DMD: variants seen among roughly 807,000 people sequenced by gnomAD.
The protein encoded by DMD is dystrophin, also known as mutant dystrophin.
In DMD, 63 loss-of-function variants were observed where a neutral mutation model predicts 330.1. The ratio of observed to expected loss-of-function variants is 0.19; its 90% CI spans 0.16 to 0.24. The LOEUF (loss-of-function observed/expected upper bound fraction) is 0.24, where lower values mean the gene tolerates loss of function less well. Ranked by LOEUF, DMD falls within the 10% of genes least tolerant of loss-of-function variation. The pLI is 1.00. For missense variants in DMD, 3,344 were observed against 2,684.1 expected, an observed-to-expected ratio of 1.25 and a Z score of -5.43; for synonymous variants, 1,223 against 959.8, an observed-to-expected ratio of 1.27 and a Z score of -5.07.
intron 7 of DMD, among the ~76,000 whole-genome samples, chrX:32,722,069 A>T (rs2066378166): frequency 9.1e-6 from 1 of 110,432 alleles, no homozygotes; most frequent in East Asian, 2.8e-4. Context: ...GATTTATGAT[A>T]TAATTTCAAA....
chrX:32,320,002 C>T (rs1387537541), intron 41 of DMD, among the ~76,000 whole-genome samples: 1 of 110,394 alleles, frequency 9.1e-6, no homozygotes, highest in Non-Finnish European at 1.9e-5. Context: ...ATCGAACCCT[C>T]CCTCCACCTC....
At chrX:32,715,725 G>A (rs760315468) in intron 7 of DMD, among the ~76,000 whole-genome samples, 43 of 109,953 alleles carry the variant, frequency 3.9e-4, no homozygotes, top group African/African-American at 1.2e-3. Flanking sequence ...CACTTGAACC[G>A]GGGAGGTGGA....
At chrX:32,661,718 T>C (rs1410383491) in intron 9 of DMD, among the ~76,000 whole-genome samples, 1 of 111,719 alleles carries the variant, frequency 9.0e-6, no homozygotes, top group African/African-American at 3.2e-5. Flanking sequence ...TGACCAATTT[T>C]ATATGTTTAT....
At chrX:32,451,541 T>C (rs1038889232) in intron 26 of DMD, among the ~76,000 whole-genome samples, 2 of 110,843 alleles carry the variant, frequency 1.8e-5, no homozygotes, top group Non-Finnish European at 3.8e-5. Context: ...CCCTGGGTTC[T>C]TTTATGTCAA....
At chrX:32,609,184 G>T (rs1462853250) in intron 12 of DMD, among the ~76,000 whole-genome samples, 1 of 110,535 alleles carries the variant, frequency 9.0e-6, no homozygotes, top group Non-Finnish European at 1.9e-5. Context: ...AATTTTTGTT[G>T]TCATTGCTTT....
intron 62 of DMD, among the ~76,000 whole-genome samples, chrX:31,297,446 C>T (rs1164228389): frequency 9.0e-6 from 1 of 111,192 alleles, no homozygotes; most frequent in Non-Finnish European, 1.9e-5. Context: ...ATCAGCATAT[C>T]GAGAAGAAAG....
chrX:32,453,154 T>C (rs2098340978), intron 26 of DMD, among the ~76,000 whole-genome samples: 1 of 110,959 alleles, frequency 9.0e-6, no homozygotes, highest in Admixed American at 9.6e-5. Flanking sequence ...TATCATGATT[T>C]CATTTATTTT....
chrX:32,983,528 T>TACACACACACAC (rs561986393), intron 2 of DMD, among the ~76,000 whole-genome samples: 12 of 73,578 alleles, frequency 1.6e-4, no homozygotes, highest in African/African-American at 4.8e-4. Flanking sequence ...CAGAACTAAA[T>TACACACACACAC]ACACACACAC....
At chrX:32,892,388 C>CGTTTTTT (rs752039840) in intron 2 of DMD, among the ~76,000 whole-genome samples, 2 of 109,323 alleles carry the variant, frequency 1.8e-5, no homozygotes, top group Admixed American at 2.0e-4. Context: ...TGTTTGTTTT[C>CGTTTTTT]GTTTTTTGTT....
At chrX:32,652,879 T>C (rs866266320) in intron 9 of DMD, among the ~76,000 whole-genome samples, 10 of 112,304 alleles carry the variant, frequency 8.9e-5, no homozygotes, top group Admixed American at 4.7e-4. Context: ...TGGTATCTCA[T>C]TGTGGTTTTG....
intron 9 of DMD, among the ~76,000 whole-genome samples, chrX:32,690,432 A>G (rs190082197): frequency 4.6e-4 from 51 of 111,787 alleles, no homozygotes; most frequent in African/African-American, 1.5e-3. Context: ...AAAGAAATCT[A>G]CAGAACTAAT....
intron 53 of DMD, among the ~76,000 whole-genome samples, chrX:31,664,961 A>G (rs939588199): frequency 3.6e-5 from 4 of 110,880 alleles, no homozygotes; most frequent in Admixed American, 9.7e-5. Flanking sequence ...TATGACCCCT[A>G]CCTACATATT....
intron 60 of DMD, among the ~76,000 whole-genome samples, chrX:31,433,868 A>G (rs2064273706): frequency 9.0e-6 from 1 of 111,312 alleles, no homozygotes; most frequent in South Asian, 3.7e-4. Context: ...TTTTTCCCCT[A>G]ATTTTTCTCC....
chrX:32,859,198 T>C (rs1006698365), intron 2 of DMD, among the ~76,000 whole-genome samples: 1 of 111,303 alleles, frequency 9.0e-6, no homozygotes, highest in African/African-American at 3.3e-5. Flanking sequence ...CCAGGTGCAG[T>C]GGCTCACACC....
At chrX:31,798,102 A>G (rs2091910011) in intron 50 of DMD, among the ~76,000 whole-genome samples, 1 of 112,342 alleles carries the variant, frequency 8.9e-6, no homozygotes, top group Non-Finnish European at 1.9e-5. Context: ...ATTGTAAAAT[A>G]TATCGGGTTG....
chrX:32,979,141 A>G (rs1279253249), intron 2 of DMD, among the ~76,000 whole-genome samples: 2 of 112,283 alleles, frequency 1.8e-5, no homozygotes, highest in African/African-American at 3.2e-5. Flanking sequence ...CTTATTTTTA[A>G]TCTCCATTAT....
chrX:32,782,054 G>T (rs1450389838), intron 7 of DMD, among the ~76,000 whole-genome samples: 1 of 111,554 alleles, frequency 9.0e-6, no homozygotes, highest in Non-Finnish European at 1.9e-5. Context: ...ATATGAAATA[G>T]TAACATGGTA....
intron 55 of DMD, among the ~76,000 whole-genome samples, chrX:31,509,694 T>A (rs777738758): frequency 8.9e-6 from 1 of 112,269 alleles, no homozygotes; most frequent in South Asian, 3.7e-4. Context: ...TTCATGAATT[T>A]GCTACTTTTC....
intron 2 of DMD, among the ~76,000 whole-genome samples, chrX:32,922,733 G>T (rs762046558): frequency 8.9e-6 from 1 of 112,026 alleles, no homozygotes; most frequent in Non-Finnish European, 1.9e-5. Context: ...CGGACCGATT[G>T]GTCTGGGGCC....
Sources: gnomAD v4.1 joint callset for allele counts (sites outside exome capture counted in the v4.1 genomes callset) on GRCh38, gnomAD v4.1.1 for gene constraint, MANE v1.5 for transcripts, NCBI Gene and HGNC (gene_info 2026-07-23, HGNC 2026-07-21) for gene names.